Variants in OR9Q1 observed in about 807,000 individuals in gnomAD.
OR9Q1 encodes the protein olfactory receptor family 9 subfamily Q member 1.
For missense variants in OR9Q1, 374 were observed against 378.8 expected, an observed-to-expected ratio of 0.99 and a Z score of 0.11; for synonymous variants, 153 against 148.6, an observed-to-expected ratio of 1.03 and a Z score of -0.22.
At chr11:58,068,533 C>T (rs1243900754) in intron 2 of OR9Q1, among the ~76,000 whole-genome samples, 3 of 151,978 alleles carry the variant, frequency 2.0e-5, no homozygotes, top group Non-Finnish European at 4.4e-5. Flanking sequence ...CAAGTTACAC[C>T]AAAAATAGTC....
rs145084132 is a variant in OR9Q1 at position 58,157,558 on chromosome 11, GAGGA to G, written c.-14-21852_-14-21849del. Among the ~76,000 whole-genome samples, 614 of 152,158 alleles carry G rather than the reference GAGGA, an allele frequency of 4.0e-3. 5 individuals carry two copies. The highest frequency in any genetic ancestry group is 0.012 in the African/African-American group (511 of 41,502). On this transcript the variant is annotated intron_variant, in intron 2 of 2. Coordinates refer to ENST00000335397, the MANE Select transcript of OR9Q1 (RefSeq NM_001005212.4). ...GAAGAAAAGAAGGAAGGAAAAGACAGAGGAAGGAAGGAAGGAAGGAAGGATGGAA... is the reference window on the plus strand; with the variant it reads ...GAAGAAAAGAAGGAAGGAAAAGACAGAGGAAGGAAGGAAGGAAGGATGGAA...
intron 2 of OR9Q1, among the ~76,000 whole-genome samples, chr11:58,114,600 G>A (rs979720228): frequency 3.3e-5 from 5 of 152,162 alleles, no homozygotes; most frequent in African/African-American, 9.7e-5. Context: ...GTAAGTGGCA[G>A]ACCCTGAATG....
chr11:58,112,087 A>G (rs1853906991), intron 2 of OR9Q1, among the ~76,000 whole-genome samples: 1 of 152,142 alleles, frequency 6.6e-6, no homozygotes, highest in Non-Finnish European at 1.5e-5. Flanking sequence ...CAGGAGTTTG[A>G]GACCAGCCTG....
intron 2 of OR9Q1, among the ~76,000 whole-genome samples, chr11:58,114,004 G>A (rs1853926993): frequency 6.6e-6 from 1 of 152,090 alleles, no homozygotes; most frequent in African/African-American, 2.4e-5. Context: ...AGGAGAATGA[G>A]ATTGCTGCTG....
At chr11:58,153,294 T>TTC (rs1348550766) in intron 2 of OR9Q1, among the ~76,000 whole-genome samples, 1 of 152,196 alleles carries the variant, frequency 6.6e-6, no homozygotes, top group Non-Finnish European at 1.5e-5. Context: ...GCCTTGGCTT[T>TTC]TAGAGTTTAA....
intron 2 of OR9Q1, among the ~76,000 whole-genome samples, chr11:58,075,087 G>A (rs960273112): frequency 7.9e-5 from 12 of 152,194 alleles, no homozygotes; most frequent in African/African-American, 2.4e-4. Context: ...TTGGCTCTAC[G>A]GGATATTTTT....
intron 2 of OR9Q1, among the ~76,000 whole-genome samples, chr11:58,179,040 G>GAGAGAGAGAGAGAGAGAGAGAGAGA (rs1554973101): frequency 1.3e-5 from 2 of 149,154 alleles, no homozygotes; most frequent in African/African-American, 2.5e-5. Context: ...GAGAGAGACA[G>GAGAGAGAGAGAGAGAGAGAGAGAGA]GCTCTCACTC....
chr11:58,031,057 C>T, intron 1 of OR9Q1: 1 of 1,614,140 alleles, frequency 6.2e-7, no homozygotes, highest in Non-Finnish European at 8.5e-7. Context: ...TCTTCCTCAC[C>T]ATGTACCTGT....
At chr11:58,031,199 A>C in intron 1 of OR9Q1, 1 of 1,614,168 alleles carries the variant, frequency 6.2e-7, no homozygotes, top group Non-Finnish European at 8.5e-7. Context: ...AGTGCCCAAG[A>C]TGCTGGCTGG....
intron 1 of OR9Q1, among the ~76,000 whole-genome samples, chr11:58,048,435 G>A (rs7111942): frequency 0.67 from 100,089 of 149,700 alleles, 33,890 homozygotes; most frequent in Middle Eastern, 0.79. Context: ...TTAGCAGGCC[G>A]AGATCAGGAG....
chr11:58,145,778 C>A (rs762151686), intron 2 of OR9Q1, among the ~76,000 whole-genome samples: 1 of 152,002 alleles, frequency 6.6e-6, no homozygotes, highest in Non-Finnish European at 1.5e-5. Context: ...CTCAGCTATT[C>A]GGATTTTTTT....
At chr11:58,146,376 T>A (rs1011991357) in intron 2 of OR9Q1, among the ~76,000 whole-genome samples, 8 of 152,194 alleles carry the variant, frequency 5.3e-5, no homozygotes, top group Admixed American at 5.2e-4. Flanking sequence ...CTGGGAAATA[T>A]CTCCATGGAG....
chr11:58,037,682 TATATA>T (rs1853117385), intron 1 of OR9Q1, among the ~76,000 whole-genome samples: 1 of 10,680 alleles, frequency 9.4e-5, no homozygotes, highest in Non-Finnish European at 2.2e-4. Context: ...TATATATATA[TATATA>T]TATTTTTTTT....
chr11:58,140,349 G>C (rs1854234567), intron 2 of OR9Q1, among the ~76,000 whole-genome samples: 3 of 152,174 alleles, frequency 2.0e-5, no homozygotes, highest in Admixed American at 2.0e-4. Context: ...TTTCAGACAT[G>C]AAGTCCTTGC....
chr11:58,159,972 T>C (rs1854442843), intron 2 of OR9Q1, among the ~76,000 whole-genome samples: 1 of 152,242 alleles, frequency 6.6e-6, no homozygotes, highest in Non-Finnish European at 1.5e-5. Flanking sequence ...CAGTAAAATG[T>C]TGCAGAAATG....
chr11:58,102,685 C>T (rs1853796093), intron 2 of OR9Q1, among the ~76,000 whole-genome samples: 1 of 151,826 alleles, frequency 6.6e-6, no homozygotes, highest in East Asian at 1.9e-4. Context: ...ATATTCTCTT[C>T]CTGTTTTTAG....
At chr11:58,087,781 G>T (rs371749996) in intron 2 of OR9Q1, among the ~76,000 whole-genome samples, 1 of 147,684 alleles carries the variant, frequency 6.8e-6, no homozygotes, top group Admixed American at 6.8e-5. Context: ...TGTTCTCATT[G>T]TTCAACTCCC....
intron 1 of OR9Q1, among the ~76,000 whole-genome samples, chr11:58,039,026 G>C (rs1410245173): frequency 6.6e-6 from 1 of 151,978 alleles, no homozygotes; most frequent in East Asian, 1.9e-4. Context: ...GTCTCACTCT[G>C]ATGCCCAGGC....
chr11:58,124,367 T>A (rs1043807310), intron 2 of OR9Q1: 2 of 152,174 alleles, frequency 1.3e-5, no homozygotes, highest in African/African-American at 4.8e-5. Flanking sequence ...CTGGAGGGGA[T>A]AGGGAAAAAG....
Sources: allele counts gnomAD v4.1 joint callset (sites outside exome capture counted in the v4.1 genomes callset), GRCh38; gene constraint gnomAD v4.1.1; transcripts MANE v1.5; gene names NCBI Gene and HGNC (gene_info 2026-07-23, HGNC 2026-07-21).